The following RPTOR variants were observed in gnomAD, a reference collection of about 807,000 sequenced individuals.
The protein encoded by RPTOR is regulatory associated protein of MTOR complex 1.
RPTOR carries 21 observed loss-of-function variants against 169.9 expected under a neutral mutation model. The ratio of observed to expected loss-of-function variants is 0.12; its 90% CI spans 0.09 to 0.18. RPTOR has a LOEUF of 0.18. Ranked by LOEUF, RPTOR falls within the 10% of genes least tolerant of loss-of-function variation. RPTOR has a pLI of 1.00. For missense variants in RPTOR, 1,133 were observed against 1,855.9 expected (o/e 0.61, Z 7.16); for synonymous variants, 732 against 753.2 (o/e 0.97, Z 0.46).
In RPTOR at chr17:80,959,351, G is replaced by A. The variant is rs1026911068; in HGVS notation, c.3478-727G>A. 1.3e-5 allele frequency among the ~76,000 whole-genome samples: 2 copies of A among 152,184 alleles called. No individual in the cohort carries two copies. The highest frequency in any genetic ancestry group is 2.9e-5 in the Non-Finnish European group (2 of 68,006). On this transcript the variant is annotated intron_variant, in intron 29 of 33. Transcript: ENST00000306801. This position sits in a 1 kb window ranked among gnomAD's most constrained non-coding sequence, Gnocchi z 6.7. ...GCTTAGAGGCCCAGGTGGCCTGCGG[G>A]GCAGGTGCTGTTCCTGCAGAGGTGG...
At chr17:80,941,595 C>T (rs1216493742) in intron 25 of RPTOR, among the ~76,000 whole-genome samples, 1 of 152,220 alleles carries the variant, frequency 6.6e-6, no homozygotes, top group Admixed American at 6.5e-5. Flanking sequence ...TCAAGCTGCC[C>T]CCAACCAAAT....
At position 80,962,481 on chromosome 17, in the gene RPTOR, T is replaced by C. The variant is rs1351444340; in HGVS notation, c.3713T>C (p.Ile1238Thr). 1.2e-6 allele frequency: 2 copies of C among 1,613,794 alleles called. No homozygotes were observed. Among genetic ancestry groups the C allele is most frequent in the Non-Finnish European group, 1.7e-6 (2 of 1,179,948 alleles). ...VSVSVNGDVR[I>T]FDPRMPESVN... ...GGCAGCGTCAATGGAGATGTGCGCATCTTTGATCCCCGGATGCCTGAGTCG... is the reference window on the plus strand; with the variant it reads ...GGCAGCGTCAATGGAGATGTGCGCACCTTTGATCCCCGGATGCCTGAGTCG... Residue 1238 changes from isoleucine to threonine, a missense_variant, in exon 32 of 34, where the codon ATC (isoleucine) becomes ACC (threonine). Ile to Thr is a moderately conservative substitution (Grantham distance 89, BLOSUM62 -1). Transcript: ENST00000306801.
At chr17:80,776,378 C>T in intron 6 of RPTOR, among the ~76,000 whole-genome samples, 1 of 129,434 alleles carries the variant, frequency 7.7e-6, no homozygotes, top group Admixed American at 9.4e-5. Flanking sequence ...GGCTGGAGTG[C>T]AGTGGCGTGA....
intron 1 of RPTOR, among the ~76,000 whole-genome samples, chr17:80,588,162 C>T (rs1215014957): frequency 6.8e-6 from 1 of 147,662 alleles, no homozygotes; most frequent in Non-Finnish European, 1.5e-5. Flanking sequence ...TTTCTTTATC[C>T]ATTCTTTTTT....
rs2067715252 is a variant in RPTOR, at chr17:80,845,241, G to A, written c.1213-1232G>A. 6.6e-6 allele frequency among the ~76,000 whole-genome samples: 1 copy of A among 152,104 alleles called. No homozygotes were observed. The highest frequency in any genetic ancestry group is 1.5e-5 in the Non-Finnish European group (1 of 68,006). ...CTGCACTCACGTGGCTGGGCTAACT[G>A]GGAGCTCGGGCCCACCCGGTGTGGC... On this transcript the variant is annotated intron_variant, in intron 10 of 33. Transcript: ENST00000306801. The surrounding 1 kb of genome is among the most constrained non-coding windows in gnomAD (Gnocchi z 5.4).
At chr17:80,692,420 C>T (rs1017577205) in intron 3 of RPTOR, among the ~76,000 whole-genome samples, 57 of 152,312 alleles carry the variant, frequency 3.7e-4, no homozygotes, top group African/African-American at 1.3e-3. Flanking sequence ...CTCCCAGGTT[C>T]AAGCGATTCT....
chr17:80,770,207 C>G (rs529704876), intron 6 of RPTOR, among the ~76,000 whole-genome samples: 26 of 152,288 alleles, frequency 1.7e-4, no homozygotes, highest in Admixed American at 8.5e-4. Context: ...TATGTTCCTC[C>G]AGCACCCCCG....
chr17:80,835,860 G>A (rs1033378316), intron 9 of RPTOR, among the ~76,000 whole-genome samples: 7 of 152,164 alleles, frequency 4.6e-5, no homozygotes, highest in East Asian at 1.9e-4. Flanking sequence ...ACCTGTATCC[G>A]CGGAGATCAA....
intron 25 of RPTOR, 165 bp from the exon 26 acceptor site, chr17:80,945,502 G>C: frequency 2.2e-6 from 1 of 458,856 alleles, no homozygotes; most frequent in Non-Finnish European, 3.9e-6. Context: ...TGAGGCAGGA[G>C]AATGGTGTGA....
chr17:80,901,777 G>A (rs980027693), intron 20 of RPTOR, among the ~76,000 whole-genome samples: 8 of 151,516 alleles, frequency 5.3e-5, no homozygotes, highest in Admixed American at 3.3e-4. Flanking sequence ...CTGCCCCAGC[G>A]CCTCCCCATC....
intron 3 of RPTOR, among the ~76,000 whole-genome samples, chr17:80,662,421 G>A (rs74000891): frequency 0.015 from 2,269 of 152,246 alleles, 61 homozygotes; most frequent in African/African-American, 0.052. Flanking sequence ...TGAGAACTCA[G>A]AGACTAGGGT....
chr17:80,553,759 T>A (rs996099565), intron 1 of RPTOR, among the ~76,000 whole-genome samples: 2 of 151,756 alleles, frequency 1.3e-5, no homozygotes, highest in African/African-American at 4.8e-5. Flanking sequence ...TCTTTTTTTT[T>A]AAGACGGAAT....
intron 9 of RPTOR, among the ~76,000 whole-genome samples, chr17:80,828,431 A>G (rs2067468505): frequency 6.6e-6 from 1 of 152,172 alleles, no homozygotes; most frequent in African/African-American, 2.4e-5. Context: ...GGGAGTCAGC[A>G]GCCCTGTCCT....
intron 1 of RPTOR, among the ~76,000 whole-genome samples, chr17:80,607,097 G>A (rs1242290297): frequency 1.3e-5 from 2 of 152,090 alleles, no homozygotes; most frequent in African/African-American, 4.8e-5. Context: ...CGGTCTTAGG[G>A]CATCCTTCAA....
chr17:80,809,762 G>A (rs1294174918), intron 7 of RPTOR, among the ~76,000 whole-genome samples: 1 of 152,108 alleles, frequency 6.6e-6, no homozygotes, highest in East Asian at 1.9e-4. Context: ...GTCTAGGCCA[G>A]GTGTGGTGGC....
rs2068182843 is a variant in RPTOR at position 80,881,218 on chromosome 17, G to A, written c.1584+729G>A. Among the ~76,000 whole-genome samples the A allele has an allele frequency of 2.6e-5, 4 of 152,222 alleles. No homozygotes were observed. In the Middle Eastern group the frequency reaches 0.01, roughly 388 times the overall value. On this transcript the variant is annotated intron_variant, in intron 14 of 33. Transcript: ENST00000306801. ...CTTTTGTATGTAATTTCACCCCCTA[G>A]TTGGTTTTCTAAGCTAAAGGATTTT...
intron 6 of RPTOR, among the ~76,000 whole-genome samples, chr17:80,760,904 A>G (rs2066730813): frequency 6.6e-6 from 1 of 152,228 alleles, no homozygotes; most frequent in Non-Finnish European, 1.5e-5. Flanking sequence ...CTTCATTTGG[A>G]CAAAATGTGT....
intron 3 of RPTOR, among the ~76,000 whole-genome samples, chr17:80,700,481 ATGG>A (rs200152666): frequency 3.1e-5 from 2 of 63,630 alleles, no homozygotes; most frequent in Non-Finnish European, 6.3e-5. Context: ...GGTGGTGATG[ATGG>A]TGGTGGTGAT....
intron 6 of RPTOR, among the ~76,000 whole-genome samples, chr17:80,790,339 T>A (rs904006926): frequency 6.6e-6 from 1 of 152,230 alleles, no homozygotes; most frequent in African/African-American, 2.4e-5. Flanking sequence ...GAGCCAGGTA[T>A]CACTTCTTGA....
Sources: allele counts gnomAD v4.1 joint callset (sites outside exome capture counted in the v4.1 genomes callset), GRCh38; gene constraint gnomAD v4.1.1; non-coding constraint Gnocchi (gnomAD v3.1); transcripts MANE v1.5; gene names NCBI Gene and HGNC (gene_info 2026-07-23, HGNC 2026-07-21).